PDE3B: variants seen among roughly 807,000 people sequenced by gnomAD.
The protein encoded by PDE3B is cGMP-inhibited 3',5'-cyclic phosphodiesterase 3B.
Under a neutral mutation model 116.8 loss-of-function variants are expected in PDE3B, and 66 were observed. That is an observed-to-expected ratio of 0.56 (90% CI 0.46 to 0.69). The LOEUF is 0.69. Among genes scored for constraint, PDE3B ranks in the 30% least tolerant of loss-of-function variants. The probability of loss-of-function intolerance (pLI) is 0.00; values close to 1 mark genes in which losing one functional copy is unlikely to be tolerated. For synonymous variants in PDE3B, 595 were observed against 533.6 expected, an observed-to-expected ratio of 1.12 and a Z score of -1.59; for missense variants, 1,384 against 1,368.1, an observed-to-expected ratio of 1.01 and a Z score of -0.18.
chr11:14,891,930 G>A, the PDE3B span: 4 of 1,588,366 alleles, frequency 2.5e-6, no homozygotes, highest in Non-Finnish European at 3.4e-6. Context: ...GCCCTGGCCA[G>A]CCCGGGCCAG....
At chr11:14,668,866 T>A (rs868389121) in intron 1 of PDE3B, among the ~76,000 whole-genome samples, 12 of 90,274 alleles carry the variant, frequency 1.3e-4, no homozygotes, top group Non-Finnish European at 2.0e-4. Flanking sequence ...ACCAGTAGAA[T>A]TGTTTTGGAA....
the PDE3B span, chr11:14,880,115 GATC>G: frequency 1.4e-5 from 23 of 1,611,306 alleles, no homozygotes; most frequent in African/African-American, 2.3e-4. Flanking sequence ...TAGACCCTGA[GATC>G]ATCAAGAGAA....
chr11:14,714,579 C>A (rs1021598033), intron 1 of PDE3B, among the ~76,000 whole-genome samples: 1 of 151,494 alleles, frequency 6.6e-6, no homozygotes, highest in Non-Finnish European at 1.5e-5. Context: ...GTTTTATACC[C>A]TCAGATTTAA....
chr11:14,693,315 G>A (rs1009017766), intron 1 of PDE3B, among the ~76,000 whole-genome samples: 1 of 152,190 alleles, frequency 6.6e-6, no homozygotes, highest in South Asian at 2.1e-4. Context: ...TAAGGTAAGT[G>A]GAAGGTGGCT....
chr11:14,798,888 G>A (rs1337837905), intron 4 of PDE3B, among the ~76,000 whole-genome samples: 1 of 152,094 alleles, frequency 6.6e-6, no homozygotes, highest in Non-Finnish European at 1.5e-5. Flanking sequence ...AATAGCTCCT[G>A]AATTCATTGA....
the PDE3B span, chr11:14,885,884 C>CA: frequency 6.2e-7 from 1 of 1,613,558 alleles, no homozygotes; most frequent in Non-Finnish European, 8.5e-7. Context: ...TTTAGAACCA[C>CA]AGTTGATATG....
intron 1 of PDE3B, among the ~76,000 whole-genome samples, chr11:14,724,257 C>A (rs911350888): frequency 4.6e-5 from 7 of 152,154 alleles, no homozygotes; most frequent in Non-Finnish European, 2.9e-5. Flanking sequence ...AGATTTCCTA[C>A]TTGCCTATCT....
intron 1 of PDE3B, among the ~76,000 whole-genome samples, chr11:14,671,701 C>T (rs1297228616): frequency 1.3e-5 from 2 of 151,834 alleles, no homozygotes; most frequent in Non-Finnish European, 2.9e-5. Flanking sequence ...TGACTTTCTC[C>T]CCCATTTATC....
intron 1 of PDE3B, among the ~76,000 whole-genome samples, chr11:14,678,278 A>G (rs1232191892): frequency 6.6e-6 from 1 of 151,958 alleles, no homozygotes; most frequent in Admixed American, 6.6e-5. Context: ...AGTTGTGTTG[A>G]TTAGGAATAG....
chr11:14,644,204 T>G lies in PDE3B; in HGVS notation c.129T>G (p.Pro43=), dbSNP rs1467078021. The change falls in exon 1 of 16, where the codon CCT becomes CCG. Residue 43 remains proline, a synonymous_variant. Coordinates refer to ENST00000282096, the MANE Select transcript of PDE3B (RefSeq NM_000922.4). ...KSCVSPLRQD[P]PRGFFFHLCR... is the part of the protein sequence containing the mutation. ...GCGTGAGCCCCTTGCGGCAGGACCC[T>G]CCGCGCGGCTTCTTCTTCCACCTCT... 1.3e-6 allele frequency: 2 copies of G among 1,593,726 alleles called. No individual in the cohort carries two copies. Among genetic ancestry groups the G allele is most frequent in the Admixed American group, 3.4e-5 (2 of 59,422 alleles).
Position 14,661,912 on chromosome 11 carries a change from G to A in PDE3B, c.978+16859G>A, listed in dbSNP as rs190836682. Among the ~76,000 whole-genome samples, 379 of 152,328 alleles carry A rather than the reference G, an allele frequency of 2.5e-3. 3 individuals are homozygous for A. The highest frequency in any genetic ancestry group is 8.7e-3 in the African/African-American group (360 of 41,578). On this transcript the variant is annotated intron_variant, in intron 1 of 15. Coordinates refer to ENST00000282096, the MANE Select transcript of PDE3B (RefSeq NM_000922.4). The stretch of plus-strand genomic sequence containing the variant: ...CAAACAAAAAGACGCAGTAACCTCT[G>A]CAGACTTAAATGTCCCTGTCTGACA...
the PDE3B span, among the ~76,000 whole-genome samples, chr11:14,884,315 A>G: frequency 2.0e-5 from 3 of 152,014 alleles, no homozygotes; most frequent in African/African-American, 7.2e-5. Flanking sequence ...GATGAAGAAA[A>G]TGTGGCACAT....
intron 1 of PDE3B, among the ~76,000 whole-genome samples, chr11:14,667,974 A>G (rs1422768538): frequency 6.6e-6 from 1 of 151,900 alleles, no homozygotes; most frequent in Non-Finnish European, 1.5e-5. Context: ...TATTTAAATA[A>G]TTTTCAGACA....
At chr11:14,682,629 C>A (rs1854745893) in intron 1 of PDE3B, among the ~76,000 whole-genome samples, 3 of 152,022 alleles carry the variant, frequency 2.0e-5, no homozygotes, top group South Asian at 4.2e-4. Context: ...TTATATTGGT[C>A]AATTTAAAAA....
At chr11:14,663,339 A>G (rs940604372) in intron 1 of PDE3B, among the ~76,000 whole-genome samples, 25 of 152,250 alleles carry the variant, frequency 1.6e-4, no homozygotes, top group African/African-American at 5.1e-4. Context: ...AACCGGTACC[A>G]GCCCCTGCAA....
chr11:14,680,671 A>G (rs563187759), intron 1 of PDE3B, among the ~76,000 whole-genome samples: 1 of 152,182 alleles, frequency 6.6e-6, no homozygotes, highest in Non-Finnish European at 1.5e-5. Context: ...CACGTAAAAG[A>G]GTACTCATAA....
At chr11:14,784,954 C>G (rs995753464) in intron 2 of PDE3B, among the ~76,000 whole-genome samples, 1 of 152,000 alleles carries the variant, frequency 6.6e-6, no homozygotes, top group East Asian at 1.9e-4. Context: ...TGTGTGTGTT[C>G]CATTTGAATA....
chr11:14,674,216 T>C lies in PDE3B; in HGVS notation c.978+29163T>C. ...TCTCCATTTCCAGGGGTTTTCTGTT[T>C]GTTCTTTTTTGTTTTCACTTCAACA... On this transcript the variant is annotated intron_variant, in intron 1 of 15. Transcript: ENST00000282096. The C allele has an allele frequency of 1.9e-5, 23 of 1,240,996 alleles. 2 individuals are homozygous for C. In the South Asian group the frequency reaches 2.5e-4, roughly 14 times the overall value. The allele number at this position is 1,240,996 out of a possible 1,614,324, so 76.9% of individuals were successfully genotyped here. A position where few individuals can be genotyped will look rare whatever the true frequency, so the allele number is the denominator to read the frequency against.
At chr11:14,774,266 A>G (rs190283476) in intron 2 of PDE3B, 2 of 152,258 alleles carry the variant, frequency 1.3e-5, no homozygotes, top group Admixed American at 1.3e-4. Flanking sequence ...AGTCCCTCTT[A>G]GCTGGAAAAT....
Sources: gnomAD v4.1 joint callset for allele counts (sites outside exome capture counted in the v4.1 genomes callset) on GRCh38, gnomAD v4.1.1 for gene constraint, MANE v1.5 for transcripts, NCBI Gene and HGNC (gene_info 2026-07-23, HGNC 2026-07-21) for gene names.